MCM5: variants seen among roughly 807,000 people sequenced by gnomAD.
MCM5 encodes the protein DNA replication licensing factor MCM5.
MCM5 carries 46 observed loss-of-function variants against 79.9 expected under a neutral mutation model. That is an observed-to-expected ratio of 0.58 (90% CI 0.45 to 0.74). MCM5 has a LOEUF of 0.74. Among genes scored for constraint, MCM5 ranks in the 30% least tolerant of loss-of-function variants. MCM5 has a pLI of 0.00. For missense variants in MCM5, 883 were observed against 1,017.0 expected, an observed-to-expected ratio of 0.87 and a Z score of 1.79; for synonymous variants, 404 against 390.5, an observed-to-expected ratio of 1.03 and a Z score of -0.41.
intron 13 of MCM5, among the ~76,000 whole-genome samples, chr22:35,418,189 A>G (rs1776901548): frequency 6.6e-6 from 1 of 152,124 alleles, no homozygotes; most frequent in African/African-American, 2.4e-5. Flanking sequence ...ACTTTGGGCA[A>G]GTTGGTTGGC....
downstream of MCM5, among the ~76,000 whole-genome samples, chr22:35,427,534 T>A (rs1228474117): frequency 6.6e-6 from 1 of 152,016 alleles, no homozygotes; most frequent in Non-Finnish European, 1.5e-5. Flanking sequence ...TTTATTTTTT[T>A]ATTTTTATTT....
At position 35,416,419 on chromosome 22, in the gene MCM5, A is replaced by G. The variant is rs1434916701; in HGVS notation, c.1413+15A>G. On this transcript the variant is annotated intron_variant, in intron 11 of 16. Transcript: ENST00000216122. ...CTATCGCCAAGGTGAGTGGCCCTCC[A>G]TGGAGAGCCCAGCCTGCAGCAGCCC... 2.5e-6 allele frequency: 4 copies of G among 1,611,256 alleles called. No homozygotes were observed. The highest frequency in any genetic ancestry group is 3.4e-6 in the Non-Finnish European group (4 of 1,179,636).
In MCM5 at chr22:35,403,936, C is replaced by CA. The variant is rs1932137836; in HGVS notation, c.423+398dup. On this transcript the variant is annotated intron_variant, in intron 4 of 16. Transcript: ENST00000216122. ...TTTGAGACCCTGGCTCTCCAAAAAA[C>CA]AAAACAAAAAAAAAACAAAAAAAAC... 1.7e-4 allele frequency among the ~76,000 whole-genome samples: 16 copies of CA among 96,038 alleles called. No homozygotes were observed. In the South Asian group the frequency reaches 2.5e-3, roughly 15 times the overall value. The allele number at this position is 96,038 out of a possible 152,430, so 63.0% of individuals were successfully genotyped here. A position where few individuals can be genotyped will look rare whatever the true frequency, so the allele number is the denominator to read the frequency against.
Position 35,412,622 on chromosome 22 carries a change from T to C in MCM5, c.1032T>C (p.Phe344=), listed in dbSNP as rs760609147. Residue 344 remains phenylalanine, a synonymous_variant, in exon 8 of 17, where the codon TTT becomes TTC. Transcript: ENST00000216122. ...VISKSIAPSI[F]GGTDMKKAIA... is the part of the protein sequence containing the mutation. Reference sequence around the variant, plus strand: ...CCAAGAGCATCGCCCCCTCCATCTTTGGGGGCACAGACATGAAGAAGGCCA... The same window carrying C: ...CCAAGAGCATCGCCCCCTCCATCTTCGGGGGCACAGACATGAAGAAGGCCA... The C allele has an allele frequency of 1.7e-5, 27 of 1,575,480 alleles. No individual in the cohort carries two copies. The East Asian group carries it at 3.3e-4, about 19-fold the overall frequency.
chr22:35,424,076 G>A (rs544264555), intron 16 of MCM5, 78 bp from the exon 17 acceptor site: 3 of 930,152 alleles, frequency 3.2e-6, no homozygotes, highest in African/African-American at 1.7e-5. Context: ...AAAGTTCCCC[G>A]TGAGCCTGGG....
At chr22:35,444,166 G>GGAGAGA in the MCM5 span, among the ~76,000 whole-genome samples, 54,072 of 147,748 alleles carry the variant, frequency 0.37, 12,918 homozygotes, top group African/African-American at 0.69. Context: ...CTGACAGGCA[G>GGAGAGA]GAGAGAGAGA....
chr22:35,441,433 C>A, the MCM5 span, among the ~76,000 whole-genome samples: 2 of 152,322 alleles, frequency 1.3e-5, no homozygotes, highest in East Asian at 3.9e-4. Context: ...TGCCCCCCCA[C>A]CACCTCTACA....
the MCM5 span, among the ~76,000 whole-genome samples, chr22:35,444,001 A>G: frequency 1.3e-5 from 2 of 152,314 alleles, no homozygotes; most frequent in South Asian, 2.1e-4. Context: ...GAGCAGGGAT[A>G]GTTCCTGCCT....
chr22:35,444,166 G>GGAGAGAGAGA, the MCM5 span, among the ~76,000 whole-genome samples: 3,852 of 147,972 alleles, frequency 0.026, 119 homozygotes, highest in South Asian at 0.11. Flanking sequence ...CTGACAGGCA[G>GGAGAGAGAGA]GAGAGAGAGA....
At chr22:35,424,112 C>T (rs780786434) in intron 16 of MCM5, 42 bp from the exon 17 acceptor site, 35 of 1,385,730 alleles carry the variant, frequency 2.5e-5, no homozygotes, top group Non-Finnish European at 3.2e-5. Context: ...TCGGAGTCCC[C>T]TCGGGCAGCA....
Position 35,410,844 on chromosome 22 carries a change from G to A in MCM5, c.853G>A (p.Val285Met), listed in dbSNP as rs751469512. ...GLTTSRGRDR[V>M]GVGIRSSYIR... is the part of the protein sequence containing the mutation. ...GACTACCAGCAGGGGCCGTGACAGGGTGGGCGTGGGCATCCGAAGCTCCTA... is the reference window on the plus strand; with the variant it reads ...GACTACCAGCAGGGGCCGTGACAGGATGGGCGTGGGCATCCGAAGCTCCTA... The change falls in exon 7 of 17, where the codon GTG (valine) becomes ATG (methionine). Residue 285 changes from valine to methionine, a missense_variant. Coordinates refer to ENST00000216122, the MANE Select transcript of MCM5 (RefSeq NM_006739.4). The A allele has an allele frequency of 1.8e-5, 29 of 1,613,660 alleles. No individual in the cohort carries two copies. Among genetic ancestry groups the A allele is most frequent in the Non-Finnish European group, 2.4e-5 (28 of 1,179,646 alleles).
At chr22:35,448,239 C>T in the MCM5 span, among the ~76,000 whole-genome samples, 4 of 152,190 alleles carry the variant, frequency 2.6e-5, no homozygotes, top group Admixed American at 6.5e-5. Flanking sequence ...TCATGAGGAT[C>T]GAACGAAGAG....
chr22:35,433,748 G>A, the MCM5 span, among the ~76,000 whole-genome samples: 1 of 152,180 alleles, frequency 6.6e-6, no homozygotes, highest in African/African-American at 2.4e-5. Context: ...CACATTTGGT[G>A]CAACAGGCTG....
chr22:35,406,839 CTGGGCAGGGG>C, intron 5 of MCM5, 114 bp downstream of exon 5: 1 of 1,156,728 alleles, frequency 8.6e-7, no homozygotes, highest in Non-Finnish European at 1.2e-6. Context: ...CTGGGATGGG[CTGGGCAGGGG>C]TGTGCCCTTA....
chr22:35,414,447 C>G, intron 9 of MCM5, among the ~76,000 whole-genome samples: 1 of 151,928 alleles, frequency 6.6e-6, no homozygotes, highest in East Asian at 1.9e-4. Context: ...TGGTGAAACC[C>G]TGTCTTTACC....
In MCM5 at chr22:35,410,762, C is replaced by T. The variant is rs748840147; in HGVS notation, c.771C>T (p.Val257=). 1.3e-5 allele frequency: 21 copies of T among 1,613,954 alleles called. No individual in the cohort carries two copies. The East Asian group carries it at 1.3e-4, about 10-fold the overall frequency. Residue 257 remains valine (V), a synonymous_variant, in exon 7 of 17, where the codon GTC becomes GTT. Transcript: ENST00000216122. ...CTCTCAGGTACCTGTGTGACAAGGT[C>T]GTCCCTGGGAACAGGGTTACCATCA... ...LYCDRYLCDK[V]VPGNRVTIMG...
At chr22:35,446,654 C>T in the MCM5 span, among the ~76,000 whole-genome samples, 2 of 152,102 alleles carry the variant, frequency 1.3e-5, no homozygotes, top group Admixed American at 1.3e-4. Flanking sequence ...GAGTGGCTGC[C>T]CGTCCGCAGT....
downstream of MCM5, among the ~76,000 whole-genome samples, chr22:35,426,974 TTCTC>T (rs1359375580): frequency 6.6e-6 from 1 of 152,206 alleles, no homozygotes; most frequent in Non-Finnish European, 1.5e-5. Context: ...TTTACCTGGT[TTCTC>T]TCTCTGTTCA....
At position 35,424,157 on chromosome 22, in the gene MCM5, T is replaced by A; in HGVS notation, c.2107T>A (p.Tyr703Asn). ...SIIKDFTKQKYPEHAIHKVLQ... is the reference protein window; with the variant it reads ...SIIKDFTKQKNPEHAIHKVLQ... Reference sequence around the variant, plus strand: ...AGCCAGCCATGTGCTCCCACAGAAATACCCGGAGCACGCCATCCACAAGGT... The same window carrying A: ...AGCCAGCCATGTGCTCCCACAGAAAAACCCGGAGCACGCCATCCACAAGGT... Residue 703 changes from tyrosine to asparagine, a missense_variant, in exon 17 of 17, where the codon TAC (tyrosine) becomes AAC (asparagine). This residue lies in a region of MCM5 where 426 missense variants were observed against 482.3 expected (regional missense o/e 0.88). Coordinates refer to ENST00000216122, the MANE Select transcript of MCM5 (RefSeq NM_006739.4). 5 of 1,548,736 alleles carry A rather than the reference T, an allele frequency of 3.2e-6. No individual in the cohort carries two copies. The highest frequency in any genetic ancestry group is 4.4e-6 in the Non-Finnish European group (5 of 1,145,126).
Sources: gnomAD v4.1 joint callset for allele counts (sites outside exome capture counted in the v4.1 genomes callset) on GRCh38, gnomAD v4.1.1 for gene constraint, gnomAD v4.1.1 regional missense constraint, MANE v1.5 for transcripts, NCBI Gene and HGNC (gene_info 2026-07-23, HGNC 2026-07-21) for gene names.